The following CENPF variants were observed in gnomAD, a reference collection of about 807,000 sequenced individuals.
CENPF encodes centromere protein F.
Under a neutral mutation model 307.3 loss-of-function variants are expected in CENPF, and 214 were observed. The observed-to-expected ratio is 0.70, with a 90% confidence interval of 0.62 to 0.78. CENPF has a LOEUF of 0.78. CENPF is among the 30% of genes least tolerant of loss of function. The probability of loss-of-function intolerance (pLI) is 0.00; values close to 1 mark genes in which losing one functional copy is unlikely to be tolerated. For synonymous variants in CENPF, 1,259 were observed against 1,270.6 expected, an observed-to-expected ratio of 0.99 and a Z score of 0.19; for missense variants, 3,401 against 3,483.9, an observed-to-expected ratio of 0.98 and a Z score of 0.60.
intron 8 of CENPF, among the ~76,000 whole-genome samples, chr1:214,630,013 C>T (rs969636037): frequency 2.6e-5 from 4 of 152,182 alleles, no homozygotes; most frequent in Non-Finnish European, 4.4e-5. Flanking sequence ...AAGTACCATA[C>T]GGATTAAGAG....
At chr1:214,657,633 G>T (rs72759671) in intron 18 of CENPF, among the ~76,000 whole-genome samples, 1,578 of 152,210 alleles carry the variant, frequency 0.01, 19 homozygotes, top group Middle Eastern at 0.027. Context: ...TGGAAAAATG[G>T]CTGTCTAAAA....
Position 214,646,560 on chromosome 1 carries a change from T to C in CENPF, c.6990T>C (p.His2330=), listed in dbSNP as rs138610661. 23 of 1,614,000 alleles carry C rather than the reference T, an allele frequency of 1.4e-5. No homozygotes were observed. The highest frequency in any genetic ancestry group is 1.9e-5 in the Non-Finnish European group (23 of 1,180,028). ...AACAACTGAAGGAAAGTGAGCATCA[T>C]GCAGATTTACTTAAGGGTAGAGTGG... ...VLQQLKESEH[H]ADLLKGRVEN... The change falls in exon 13 of 20, where the codon CAT becomes CAC. Residue 2330 remains histidine, a synonymous_variant. Coordinates refer to ENST00000366955, the MANE Select transcript of CENPF (RefSeq NM_016343.4).
intron 15 of CENPF, among the ~76,000 whole-genome samples, chr1:214,652,546 C>A (rs571588976): frequency 1.3e-5 from 2 of 149,760 alleles, no homozygotes; most frequent in South Asian, 4.3e-4. Flanking sequence ...TGGGTTCAAG[C>A]AATTCTCCTG....
chr1:214,614,055 A>G, intron 2 of CENPF, 139 bp downstream of exon 2: 1 of 795,756 alleles, frequency 1.3e-6, no homozygotes, highest in Non-Finnish European at 1.8e-6. Context: ...TGCTGTCTTC[A>G]GGTGGTAATT....
intron 3 of CENPF, 21 bp from the exon 4 acceptor site, chr1:214,618,552 T>C (rs76226363): frequency 0.04 from 64,705 of 1,612,340 alleles, 1,505 homozygotes; most frequent in Non-Finnish European, 0.046. Context: ...TTTGTCTGCC[T>C]CTTGGGTCCT....
chr1:214,656,172 A>G (rs1558191870), intron 17 of CENPF, among the ~76,000 whole-genome samples: 1 of 152,186 alleles, frequency 6.6e-6, no homozygotes, highest in African/African-American at 2.4e-5. Context: ...AGAAAAGGAA[A>G]GAAATGATAA....
Position 214,642,625 on chromosome 1 carries a change from C to T in CENPF, c.4287C>T (p.Ser1429=). Residue 1429 remains serine, a synonymous_variant, in exon 12 of 20, where the codon AGC becomes AGT. Transcript: ENST00000366955. ...TACATGATCAGCACTGTCAGATGAG[C>T]TCTAAAATGTCAGAGCTGCAGACCT... is the stretch of plus-strand genomic sequence containing the variant. ...KILHDQHCQM[S]SKMSELQTYV... The T allele has an allele frequency of 1.9e-6, 3 of 1,613,316 alleles. No homozygotes were observed. Among genetic ancestry groups the T allele is most frequent in the Non-Finnish European group, 2.5e-6 (3 of 1,179,644 alleles).
Position 214,655,245 on chromosome 1 carries a change from A to G in CENPF, c.8327A>G (p.Asp2776Gly). ...ILEELKKTKMDNLKYVNQLKK... is the reference protein window; with the variant it reads ...ILEELKKTKMGNLKYVNQLKK... ...GGAATTACTTTTATTTTGTAGATGGACAATCTAAAATATGTAAATCAGTTG... is the reference window on the plus strand; with the variant it reads ...GGAATTACTTTTATTTTGTAGATGGGCAATCTAAAATATGTAAATCAGTTG... Residue 2776 changes from aspartate to glycine, a missense_variant, in exon 17 of 20, where the codon GAC becomes GGC. Physicochemically the swap from Asp to Gly is moderately conservative, Grantham distance 94. Coordinates refer to ENST00000366955, the MANE Select transcript of CENPF (RefSeq NM_016343.4). The G allele has an allele frequency of 1.3e-6, 2 of 1,574,952 alleles. No individual in the cohort carries two copies. Among genetic ancestry groups the G allele is most frequent in the Non-Finnish European group, 1.7e-6 (2 of 1,162,950 alleles).
intron 7 of CENPF, among the ~76,000 whole-genome samples, chr1:214,627,369 C>CTTTTTTT (rs10686407): frequency 1.1e-4 from 9 of 83,960 alleles, no homozygotes; most frequent in Non-Finnish European, 1.7e-4. Flanking sequence ...CCCTCAGGCT[C>CTTTTTTT]TTTTTTTTTT....
At chr1:214,607,590 T>C (rs1387159780) in intron 1 of CENPF, among the ~76,000 whole-genome samples, 1 of 152,128 alleles carries the variant, frequency 6.6e-6, no homozygotes, top group Non-Finnish European at 1.5e-5. Flanking sequence ...GCCTGGTCCC[T>C]GCGGGAGCAG....
rs766057331 is a variant in CENPF at position 214,651,496 on chromosome 1, G to C, written c.7984-214G>C. On this transcript the variant is annotated intron_variant, in intron 14 of 19. Transcript: ENST00000366955. Reference sequence around the variant, plus strand: ...CTGTGGTCTCTGGATATGACCTTGCGAGGTGGTTGGGCTGGAGCAGAGGAA... The same window carrying C: ...CTGTGGTCTCTGGATATGACCTTGCCAGGTGGTTGGGCTGGAGCAGAGGAA... 4.9e-4 allele frequency among the ~76,000 whole-genome samples: 74 copies of C among 152,280 alleles called. 2 individuals are homozygous for C. The South Asian group carries it at 0.015, about 31-fold the overall frequency.
At chr1:214,631,688 C>T (rs1021396715) in intron 9 of CENPF, among the ~76,000 whole-genome samples, 4 of 152,084 alleles carry the variant, frequency 2.6e-5, no homozygotes, top group African/African-American at 7.2e-5. Flanking sequence ...TTAGTAGAGA[C>T]GAGGTTTCAC....
intron 10 of CENPF, among the ~76,000 whole-genome samples, chr1:214,633,312 A>G (rs1214373244): frequency 6.6e-6 from 1 of 152,186 alleles, no homozygotes; most frequent in Non-Finnish European, 1.5e-5. Context: ...CTTCTCTCTG[A>G]ATTTATTTAG....
rs1295598878 is a variant in CENPF at position 214,646,761 on chromosome 1, G to A, written c.7191G>A (p.Leu2397=). ...VVTIRSEKEN[L]TNELQKEQER... ...CTATAAGGTCAGAAAAAGAAAATCT[G>A]ACAAATGAATTACAAAAAGAGCAAG... Residue 2397 remains leucine (L), a synonymous_variant, in exon 13 of 20, where the codon CTG becomes CTA. Coordinates refer to ENST00000366955, the MANE Select transcript of CENPF (RefSeq NM_016343.4). The A allele has an allele frequency of 2.5e-6, 4 of 1,613,136 alleles. No individual in the cohort carries two copies. In the African/African-American group the frequency reaches 5.3e-5, roughly 22 times the overall value.
At position 214,650,722 on chromosome 1, in the gene CENPF, C is replaced by T. The variant is rs1390921528; in HGVS notation, c.7984-988C>T. 2.6e-5 allele frequency among the ~76,000 whole-genome samples: 4 copies of T among 151,236 alleles called. No individual in the cohort carries two copies. In the East Asian group the frequency reaches 5.8e-4, roughly 22 times the overall value. ...TTCAAGACCAGCCTGGGCAACATGGCAAAACTCTGTTTCTACAAAAAAACA... is the reference window on the plus strand; with the variant it reads ...TTCAAGACCAGCCTGGGCAACATGGTAAAACTCTGTTTCTACAAAAAAACA... On this transcript the variant is annotated intron_variant, in intron 14 of 19. Transcript: ENST00000366955.
chr1:214,652,753 T>G, intron 15 of CENPF, 75 bp from the exon 16 acceptor site: 1 of 1,365,418 alleles, frequency 7.3e-7, no homozygotes, highest in African/African-American at 1.5e-5. Context: ...GTTTTTTGTT[T>G]TTCTGACTAT....
chr1:214,614,744 G>A (rs1657289721), intron 2 of CENPF, 88 bp from the exon 3 acceptor site: 3 of 796,996 alleles, frequency 3.8e-6, no homozygotes, highest in Non-Finnish European at 5.7e-6. Context: ...CAGGAATTTA[G>A]TAGTCAATGT....
chr1:214,610,729 C>T (rs1464167969), intron 1 of CENPF, among the ~76,000 whole-genome samples: 1 of 151,994 alleles, frequency 6.6e-6, no homozygotes, highest in African/African-American at 2.4e-5. Context: ...TGTGATTGCT[C>T]TTAGTGTCTT....
chr1:214,622,146 A>T lies in CENPF; in HGVS notation c.933A>T (p.Gln311His), dbSNP rs146767943. 6.2e-6 allele frequency: 10 copies of T among 1,613,976 alleles called. No homozygotes were observed. In the African/African-American group the frequency reaches 1.3e-4, roughly 22 times the overall value. Residue 311 changes from glutamine to histidine, a missense_variant, in exon 7 of 20, where the codon CAA becomes CAT. By Grantham distance (24) the Gln-to-His change is conservative. Coordinates refer to ENST00000366955, the MANE Select transcript of CENPF (RefSeq NM_016343.4). ...GACATGAAAAAGAAATGAAAGGCCA[A>T]GTGAATAAGTTTCAAGAACTCCAAC... ...LQGHEKEMKG[Q>H]VNKFQELQLQ... is the part of the protein sequence containing the mutation.
Sources: allele counts gnomAD v4.1 joint callset (sites outside exome capture counted in the v4.1 genomes callset), GRCh38; gene constraint gnomAD v4.1.1; transcripts MANE v1.5; gene names NCBI Gene and HGNC (gene_info 2026-07-23, HGNC 2026-07-21).